The following SPOCK1 variants were observed in gnomAD, a reference collection of about 807,000 sequenced individuals.
The protein encoded by SPOCK1 is SPARC (osteonectin), cwcv and kazal like domains proteoglycan 1, also known as testican-1.
SPOCK1 carries 23 observed loss-of-function variants against 55.3 expected under a neutral mutation model. The observed-to-expected ratio is 0.42, with a 90% CI of 0.30 to 0.59. The LOEUF (loss-of-function observed/expected upper bound fraction) is 0.59. Ranked by LOEUF, SPOCK1 falls within the 20% of genes least tolerant of loss-of-function variation. The pLI, the probability that SPOCK1 is intolerant of heterozygous loss-of-function variation, is 0.22. For missense variants in SPOCK1, 499 were observed against 552.5 expected (o/e 0.90, Z 0.97); for synonymous variants, 226 against 221.0 (o/e 1.02, Z -0.20).
chr5:137,183,218 C>G (rs750549836), intron 3 of SPOCK1, among the ~76,000 whole-genome samples: 52 of 152,144 alleles, frequency 3.4e-4, no homozygotes, highest in Non-Finnish European at 6.0e-4. Flanking sequence ...TACTCATCCC[C>G]AGTCACATTT....
intron 6 of SPOCK1, among the ~76,000 whole-genome samples, chr5:137,049,090 A>C (rs1043405399): frequency 1.5e-5 from 2 of 131,838 alleles, no homozygotes; most frequent in East Asian, 2.5e-4. Context: ...CCTTCGTTTC[A>C]ACTTTGGTGA....
chr5:137,431,067 C>G (rs1453227253), intron 2 of SPOCK1, among the ~76,000 whole-genome samples: 1 of 152,112 alleles, frequency 6.6e-6, no homozygotes, highest in African/African-American at 2.4e-5. Flanking sequence ...AACAGCCACC[C>G]CACAAACAGG....
At chr5:137,486,957 A>G (rs1754071303) in intron 2 of SPOCK1, among the ~76,000 whole-genome samples, 1 of 152,214 alleles carries the variant, frequency 6.6e-6, no homozygotes, top group Non-Finnish European at 1.5e-5. Context: ...AAGTACTGAC[A>G]CAAGCCAACC....
chr5:137,472,983 C>G (rs143094458), intron 2 of SPOCK1, among the ~76,000 whole-genome samples: 1 of 152,252 alleles, frequency 6.6e-6, no homozygotes, highest in East Asian at 1.9e-4. Flanking sequence ...TGTAGGGAGC[C>G]AAGCACTGTT....
chr5:137,423,233 G>C (rs1436098628), intron 2 of SPOCK1, among the ~76,000 whole-genome samples: 2 of 152,228 alleles, frequency 1.3e-5, no homozygotes, highest in Admixed American at 1.3e-4. Context: ...TTAGGGGTCA[G>C]GGACCCACTT....
chr5:137,458,939 A>G (rs1008118014), intron 2 of SPOCK1, among the ~76,000 whole-genome samples: 1 of 152,254 alleles, frequency 6.6e-6, no homozygotes, highest in Non-Finnish European at 1.5e-5. Flanking sequence ...CTAAGTTGGA[A>G]TGATTTTACC....
At position 136,978,770 on chromosome 5, in the gene SPOCK1, G is replaced by A. The variant is rs758168023; in HGVS notation, c.1204C>T (p.Arg402Trp). ...VVLLDDLEYE[R>W]ELGPKDKEGK... is the part of the protein sequence containing the mutation. ...TCTTTGTCCTTTGGTCCCAGCTCCCGTTCATATTCTAGGTCATCCAGCAGG... is the reference window on the plus strand; with the variant it reads ...TCTTTGTCCTTTGGTCCCAGCTCCCATTCATATTCTAGGTCATCCAGCAGG... The change falls in exon 11 of 11, where the codon CGG becomes TGG. Residue 402 changes from arginine (R) to tryptophan (W), a missense_variant. Around this residue, in one of 3 missense-constraint regions of SPOCK1, gnomAD observed 83 missense variants for 87.5 expected, o/e 0.95. Transcript: ENST00000394945. 26 of 1,613,734 alleles carry A rather than the reference G, an allele frequency of 1.6e-5. No individual in the cohort carries two copies. The highest frequency in any genetic ancestry group is 1.3e-4 in the African/African-American group (10 of 74,820).
At chr5:137,352,002 G>A (rs1306304038) in intron 2 of SPOCK1, among the ~76,000 whole-genome samples, 1 of 152,184 alleles carries the variant, frequency 6.6e-6, no homozygotes, top group Non-Finnish European at 1.5e-5. Context: ...GATATGGACA[G>A]AGACTCAAAG....
At chr5:137,209,319 A>G (rs571117220) in intron 3 of SPOCK1, among the ~76,000 whole-genome samples, 2 of 152,208 alleles carry the variant, frequency 1.3e-5, no homozygotes, top group Non-Finnish European at 2.9e-5. Flanking sequence ...AGGCTGCCAA[A>G]ACCCTAAATA....
At chr5:137,025,777 C>T (rs1488681722) in intron 6 of SPOCK1, among the ~76,000 whole-genome samples, 2 of 152,126 alleles carry the variant, frequency 1.3e-5, no homozygotes, top group Non-Finnish European at 2.9e-5. Context: ...TACCATTTTA[C>T]AGATGAGATA....
chr5:137,132,883 G>A (rs1195279737), intron 4 of SPOCK1, among the ~76,000 whole-genome samples: 2 of 152,146 alleles, frequency 1.3e-5, no homozygotes, highest in Non-Finnish European at 2.9e-5. Context: ...GGTTCTTGAG[G>A]GCACATCTAG....
At chr5:137,231,666 T>C (rs1756067509) in intron 3 of SPOCK1, among the ~76,000 whole-genome samples, 1 of 152,232 alleles carries the variant, frequency 6.6e-6, no homozygotes, top group African/African-American at 2.4e-5. Flanking sequence ...TGATTCCAGA[T>C]TGTAGCTATT....
chr5:137,129,036 C>G (rs114204340), intron 4 of SPOCK1, among the ~76,000 whole-genome samples: 10 of 152,344 alleles, frequency 6.6e-5, no homozygotes, highest in African/African-American at 2.4e-4. Flanking sequence ...CCACCCTAAA[C>G]CACACAATTC....
chr5:137,400,933 A>C (rs1006334742), intron 2 of SPOCK1, among the ~76,000 whole-genome samples: 2 of 152,162 alleles, frequency 1.3e-5, no homozygotes, highest in African/African-American at 4.8e-5. Context: ...TTTCAGTTTT[A>C]CCCAGCAGAG....
In SPOCK1 at chr5:137,060,344, A is replaced by C. The variant is rs566214406; in HGVS notation, c.589+7371T>G. Among the ~76,000 whole-genome samples, 5 of 152,310 alleles carry C rather than the reference A, an allele frequency of 3.3e-5. No homozygotes were observed. In the South Asian group the frequency reaches 1.0e-3, roughly 32 times the overall value. On this transcript the variant is annotated intron_variant, in intron 6 of 10. Transcript: ENST00000394945. ...GCCATTATCCTAAGCAAACTCATGCAAGAACAGAAAACCAAACACTGCATC... is the reference window on the plus strand; with the variant it reads ...GCCATTATCCTAAGCAAACTCATGCCAGAACAGAAAACCAAACACTGCATC...
At chr5:137,004,372 G>A (rs1001969468) in intron 6 of SPOCK1, among the ~76,000 whole-genome samples, 8 of 151,950 alleles carry the variant, frequency 5.3e-5, no homozygotes, top group Non-Finnish European at 1.2e-4. Context: ...TTGGGTGTAC[G>A]ACTTACTACT....
At chr5:137,318,853 G>T (rs1386105566) in intron 2 of SPOCK1, among the ~76,000 whole-genome samples, 1 of 152,096 alleles carries the variant, frequency 6.6e-6, no homozygotes. Context: ...TGCTGCTGAG[G>T]GCAGAGACAC....
intron 2 of SPOCK1, among the ~76,000 whole-genome samples, chr5:137,343,817 T>TG (rs1750493663): frequency 6.6e-6 from 1 of 152,174 alleles, no homozygotes; most frequent in Admixed American, 6.5e-5. Flanking sequence ...TGTAAGGTGC[T>TG]GGGGGCTACT....
chr5:137,195,264 T>C (rs1387482931), intron 3 of SPOCK1, among the ~76,000 whole-genome samples: 1 of 152,194 alleles, frequency 6.6e-6, no homozygotes, highest in Non-Finnish European at 1.5e-5. Context: ...TGTTTCTCTT[T>C]CCAACTTTTA....
Sources: allele counts gnomAD v4.1 joint callset (sites outside exome capture counted in the v4.1 genomes callset), GRCh38; gene constraint gnomAD v4.1.1; regional missense constraint gnomAD v4.1.1; transcripts MANE v1.5; gene names NCBI Gene and HGNC (gene_info 2026-07-23, HGNC 2026-07-21).